The following CNOT1 variants were observed in gnomAD, a reference collection of about 807,000 sequenced individuals.
CNOT1 encodes CCR4-associated factor 1.
A neutral mutation model predicts 273.8 loss-of-function variants in CNOT1; 15 were observed. The ratio of observed to expected loss-of-function variants is 0.05; its 90% CI spans 0.04 to 0.08. The LOEUF is 0.08. Ranked by LOEUF, CNOT1 falls within the 10% of genes least tolerant of loss-of-function variation. The probability of loss-of-function intolerance (pLI) is 1.00; values close to 1 mark genes in which losing one functional copy is unlikely to be tolerated. For missense variants in CNOT1, 1,644 were observed against 2,912.2 expected, an observed-to-expected ratio of 0.56 and a Z score of 10.02; for synonymous variants, 1,022 against 1,005.5, an observed-to-expected ratio of 1.02 and a Z score of -0.31.
intron 1 of CNOT1, among the ~76,000 whole-genome samples, chr16:58,610,791 C>T (rs1441955952): frequency 1.3e-5 from 2 of 150,686 alleles, no homozygotes; most frequent in East Asian, 2.0e-4. Context: ...TGCAGTGAGC[C>T]GAGGTCGCAC....
intron 2 of CNOT1, among the ~76,000 whole-genome samples, chr16:58,594,302 T>C (rs1428188406): frequency 6.6e-6 from 1 of 151,880 alleles, no homozygotes; most frequent in African/African-American, 2.4e-5. Context: ...GAAGGCCACA[T>C]ACAGTACGAT....
At chr16:58,567,951 CCAAA>C (rs971783636) in intron 16 of CNOT1, among the ~76,000 whole-genome samples, 1 of 152,070 alleles carries the variant, frequency 6.6e-6, no homozygotes, top group Non-Finnish European at 1.5e-5. Flanking sequence ...GAAAACTGAC[CCAAA>C]CAAAAACCTT....
intron 2 of CNOT1, among the ~76,000 whole-genome samples, chr16:58,591,134 A>C (rs144113435): frequency 7.9e-5 from 12 of 152,352 alleles, no homozygotes; most frequent in Non-Finnish European, 1.3e-4. Context: ...GGAAAAACCT[A>C]GAGTGCAAAA....
chr16:58,573,775 C>A (rs1262801574), intron 16 of CNOT1, among the ~76,000 whole-genome samples: 1 of 151,942 alleles, frequency 6.6e-6, no homozygotes, highest in Non-Finnish European at 1.5e-5. Context: ...GCCACCGCAC[C>A]CAGCCTTAAC....
Position 58,599,262 on chromosome 16 carries a change from G to C in CNOT1, c.76C>G (p.Arg26Gly), listed in dbSNP as rs1597562609. 6.2e-7 allele frequency: 1 copy of C among 1,614,038 alleles called. No homozygotes were observed. The highest frequency in any genetic ancestry group is 2.2e-5 in the East Asian group (1 of 44,878). The change falls in exon 2 of 49, where the codon CGA (arginine) becomes GGA (glycine). Residue 26 changes from arginine (R) to glycine (G), a missense_variant. Physicochemically the swap from Arg to Gly is moderately radical, Grantham distance 125. This residue lies in a region of CNOT1 where 706 missense variants were observed against 1,021.2 expected (regional missense o/e 0.69). Transcript: ENST00000317147. ...LVDNLTKKNY[R>G]ASQQEIQHIV... ...TGCTGTATTTCCTGCTGGCTGGCTCGGTAATTTTTCTTGGTTAAATTGTCC... is the reference window on the plus strand; with the variant it reads ...TGCTGTATTTCCTGCTGGCTGGCTCCGTAATTTTTCTTGGTTAAATTGTCC...
chr16:58,597,608 T>G (rs961456350), intron 2 of CNOT1: 21 of 391,820 alleles, frequency 5.4e-5, no homozygotes, highest in South Asian at 4.4e-4. Flanking sequence ...TGTTTGGCAC[T>G]TTGATCTGTA....
chr16:58,555,031 T>C (rs1463641932), intron 21 of CNOT1, among the ~76,000 whole-genome samples: 1 of 149,998 alleles, frequency 6.7e-6, no homozygotes, highest in Non-Finnish European at 1.5e-5. Flanking sequence ...GAGACCATGG[T>C]GAAACCCTGT....
At chr16:58,559,685 T>C in intron 17 of CNOT1, 1 of 391,666 alleles carries the variant, frequency 2.6e-6, no homozygotes, top group Non-Finnish European at 5.3e-6. Context: ...ATCACTAACT[T>C]TTAGCCTCTT....
At chr16:58,602,848 G>T (rs911828372) in intron 1 of CNOT1, among the ~76,000 whole-genome samples, 1 of 151,996 alleles carries the variant, frequency 6.6e-6, no homozygotes, top group South Asian at 2.1e-4. Context: ...GTCCAAATTT[G>T]TATAATATAA....
intron 1 of CNOT1, among the ~76,000 whole-genome samples, chr16:58,628,550 G>A (rs981984926): frequency 2.0e-5 from 3 of 149,424 alleles, no homozygotes; most frequent in Non-Finnish European, 4.4e-5. Flanking sequence ...TAAGGAAAAC[G>A]TTCGGCATTG....
rs558476585 is a variant in CNOT1 at position 58,521,386 on chromosome 16, T to C, written c.6918-69A>G. 1,008 of 1,486,130 alleles carry C rather than the reference T, an allele frequency of 6.8e-4. 15 individuals carry two copies. In the South Asian group the frequency reaches 0.012, roughly 18 times the overall value. The allele number at this position is 1,486,130 out of a possible 1,614,324, so 92.1% of individuals were successfully genotyped here. A position where few individuals can be genotyped will look rare whatever the true frequency, so the allele number is the denominator to read the frequency against. ...AAATTCATGATTATTCTTCCATTAC[T>C]TTTTTTCTAACTTCTCCCTGACTAT... is the stretch of plus-strand genomic sequence containing the variant. On this transcript the variant is annotated intron_variant, in intron 47 of 48. Coordinates refer to ENST00000317147, the MANE Select transcript of CNOT1 (RefSeq NM_016284.5).
intron 25 of CNOT1, chr16:58,548,547 T>C (rs1172673973): frequency 1.9e-6 from 1 of 519,092 alleles, no homozygotes; most frequent in Non-Finnish European, 3.8e-6. Context: ...ACAAGTCAGC[T>C]GTGCAACAGA....
At chr16:58,550,705 C>T (rs1012330016) in intron 24 of CNOT1, among the ~76,000 whole-genome samples, 2 of 152,140 alleles carry the variant, frequency 1.3e-5, no homozygotes, top group Admixed American at 1.3e-4. Context: ...TGGCTACATA[C>T]AGGATTGGCA....
At chr16:58,614,393 C>T (rs1160167124) in intron 1 of CNOT1, among the ~76,000 whole-genome samples, 1 of 125,166 alleles carries the variant, frequency 8.0e-6, no homozygotes, top group East Asian at 1.9e-4. Flanking sequence ...TGAACACCGG[C>T]TTTCTATCTA....
rs1414182673 is a variant in CNOT1 at position 58,597,970 on chromosome 16, G to A, written c.102+1266C>T. The A allele has an allele frequency of 3.6e-5, 8 of 220,668 alleles. No individual in the cohort carries two copies. The Admixed American group carries it at 4.1e-4, about 11-fold the overall frequency. The allele number at this position is 220,668 out of a possible 1,614,324, so 13.7% of individuals were successfully genotyped here. On this transcript the variant is annotated intron_variant, in intron 2 of 48. Transcript: ENST00000317147. The stretch of plus-strand genomic sequence containing the variant: ...GGGAGCCATCCCCAACCCTGTTTAA[G>A]AAAAGCCTGGGAGCTAGGCGCAAGA...
chr16:58,566,127 A>T (rs949338450), intron 16 of CNOT1, among the ~76,000 whole-genome samples: 1 of 152,192 alleles, frequency 6.6e-6, no homozygotes, highest in Admixed American at 6.5e-5. Context: ...GTAGACTAAC[A>T]TGGTATCTGA....
chr16:58,560,463 C>A (rs2040795712), intron 16 of CNOT1, 101 bp from the exon 17 acceptor site: 18 of 1,478,964 alleles, frequency 1.2e-5, no homozygotes, highest in Non-Finnish European at 1.6e-5. Context: ...GATGGAGTCT[C>A]ACTCTGTCAC....
At chr16:58,541,692 TC>T in intron 33 of CNOT1, 72 bp from the exon 34 acceptor site, 1 of 1,492,660 alleles carries the variant, frequency 6.7e-7, no homozygotes, top group South Asian at 1.2e-5. Context: ...AAGTGGAAAG[TC>T]TGCATGTGGG....
intron 22 of CNOT1, among the ~76,000 whole-genome samples, chr16:58,552,199 G>C (rs1179429757): frequency 6.6e-6 from 1 of 151,178 alleles, no homozygotes; most frequent in Non-Finnish European, 1.5e-5. Flanking sequence ...AAAAACCATG[G>C]TAGTATGAGT....
Sources: gnomAD v4.1 joint callset for allele counts (sites outside exome capture counted in the v4.1 genomes callset) on GRCh38, gnomAD v4.1.1 for gene constraint, gnomAD v4.1.1 regional missense constraint, MANE v1.5 for transcripts, NCBI Gene and HGNC (gene_info 2026-07-23, HGNC 2026-07-21) for gene names.